Variants in NEK10 observed in about 807,000 individuals in gnomAD.
NEK10 encodes the protein serine/threonine-protein kinase Nek10.
NEK10 carries 122 observed loss-of-function variants against 159.8 expected under a neutral mutation model. The observed-to-expected ratio is 0.76, with a 90% CI of 0.66 to 0.89. The LOEUF (loss-of-function observed/expected upper bound fraction) is 0.89. Ranked by LOEUF, NEK10 falls within the 40% of genes least tolerant of loss-of-function variation. NEK10 has a pLI of 0.00. For synonymous variants in NEK10, 466 were observed against 457.1 expected (o/e 1.02, Z -0.25); for missense variants, 1,342 against 1,323.1 (o/e 1.01, Z -0.22).
intron 31 of NEK10, among the ~76,000 whole-genome samples, chr3:27,136,483 T>G (rs1943232116): frequency 1.3e-5 from 2 of 152,270 alleles, no homozygotes; most frequent in Non-Finnish European, 2.9e-5. Context: ...ACAATCTAAA[T>G]GTAAGTATAA....
intron 23 of NEK10, among the ~76,000 whole-genome samples, chr3:27,235,053 G>A (rs1953755845): frequency 6.6e-6 from 1 of 152,066 alleles, no homozygotes; most frequent in Non-Finnish European, 1.5e-5. Flanking sequence ...GGGATCACTG[G>A]CTAGCCACAA....
At chr3:27,306,581 T>C (rs991923888) in intron 11 of NEK10, among the ~76,000 whole-genome samples, 1 of 152,314 alleles carries the variant, frequency 6.6e-6, no homozygotes, top group East Asian at 1.9e-4. Context: ...TTGATCATGC[T>C]TAAAATGTTC....
chr3:27,138,585 C>T (rs550518831), intron 31 of NEK10, among the ~76,000 whole-genome samples: 28 of 152,288 alleles, frequency 1.8e-4, no homozygotes, highest in African/African-American at 6.3e-4. Flanking sequence ...TAATTCTTTA[C>T]ATTAAACCTT....
At chr3:27,130,784 T>A (rs1002543597) in intron 32 of NEK10, among the ~76,000 whole-genome samples, 9 of 152,200 alleles carry the variant, frequency 5.9e-5, no homozygotes, top group Non-Finnish European at 1.2e-4. Context: ...ATACAATATA[T>A]AAATATCATA....
chr3:27,111,937 C>CTTTT (rs1939612983), intron 35 of NEK10, among the ~76,000 whole-genome samples: 1 of 152,166 alleles, frequency 6.6e-6, no homozygotes, highest in Non-Finnish European at 1.5e-5. Context: ...ATAGAGCCTG[C>CTTTT]TTTGGGAAGA....
In NEK10 at chr3:27,116,070, C is replaced by T. The variant is rs747664031; in HGVS notation, c.3243+5G>A. Reference sequence around the variant, plus strand: ...AATCATTCAGAGACACTGCAAAAACCTCACCTGCATCTGTTCATATGTTAT... The same window carrying T: ...AATCATTCAGAGACACTGCAAAAACTTCACCTGCATCTGTTCATATGTTAT... On this transcript the variant is annotated splice_donor_5th_base_variant and intron_variant, in intron 34 of 35. Transcript: ENST00000691995. 1 of 1,613,464 alleles carries T rather than the reference C, an allele frequency of 6.2e-7. No individual in the cohort carries two copies. Among genetic ancestry groups the T allele is most frequent in the Non-Finnish European group, 8.5e-7 (1 of 1,179,648 alleles).
At chr3:27,137,954 C>T (rs1417515585) in intron 31 of NEK10, among the ~76,000 whole-genome samples, 1 of 152,208 alleles carries the variant, frequency 6.6e-6, no homozygotes, top group South Asian at 2.1e-4. Flanking sequence ...GCTCCAAGTC[C>T]ACCCTTTCAT....
At chr3:27,115,519 T>C (rs906076210) in intron 35 of NEK10, among the ~76,000 whole-genome samples, 2 of 152,130 alleles carry the variant, frequency 1.3e-5, no homozygotes. Flanking sequence ...TCACAAGAAA[T>C]GATTCTTTGT....
At position 27,224,567 on chromosome 3, in the gene NEK10, T is replaced by A. The variant is rs137990612; in HGVS notation, c.2091-22010A>T. Among the ~76,000 whole-genome samples the A allele has an allele frequency of 7.8e-3, 1,192 of 152,320 alleles. 4 individuals are homozygous for A. Among genetic ancestry groups the A allele is most frequent in the Non-Finnish European group, 0.012 (826 of 68,014 alleles). The stretch of plus-strand genomic sequence containing the variant: ...GTCCCATAAGATCTGTCCAGAGACA[T>A]CTCCCATGACCAAGTAAATGCTGCT... On this transcript the variant is annotated intron_variant, in intron 23 of 35. Coordinates refer to ENST00000691995, the MANE Select transcript of NEK10 (RefSeq NM_001394966.1).
intron 22 of NEK10, among the ~76,000 whole-genome samples, chr3:27,275,613 C>T (rs1248797888): frequency 2.0e-5 from 3 of 152,120 alleles, no homozygotes; most frequent in Non-Finnish European, 2.9e-5. Context: ...CAAGGCATGT[C>T]GACAGACCTA....
chr3:27,302,906 G>C (rs2043944086), intron 12 of NEK10, among the ~76,000 whole-genome samples: 1 of 152,144 alleles, frequency 6.6e-6, no homozygotes, highest in African/African-American at 2.4e-5. Context: ...GATCAAGAGA[G>C]CCCTTTGGGA....
intron 19 of NEK10, 52 bp downstream of exon 19, chr3:27,290,565 G>A: frequency 7.4e-7 from 1 of 1,344,920 alleles, no homozygotes; most frequent in African/African-American, 1.5e-5. Context: ...CTACTTTCTT[G>A]CAATGACATG....
chr3:27,220,879 G>A (rs758360921), intron 23 of NEK10, among the ~76,000 whole-genome samples: 12 of 152,018 alleles, frequency 7.9e-5, no homozygotes, highest in Non-Finnish European at 1.2e-4. Flanking sequence ...TATATATATG[G>A]TCAACTGATT....
intron 1 of NEK10, among the ~76,000 whole-genome samples, chr3:27,354,720 G>A (rs2048209987): frequency 6.6e-6 from 1 of 152,206 alleles, no homozygotes; most frequent in Non-Finnish European, 1.5e-5. Context: ...TATTAAGAAA[G>A]CATTCCCAAC....
At position 27,281,448 on chromosome 3, in the gene NEK10, T is replaced by C. The variant is rs527763318; in HGVS notation, c.2014+3154A>G. The stretch of plus-strand genomic sequence containing the variant: ...ATAAAATACCTCATGTATCAAGAAA[T>C]AGGCCTCAGAAGAACACTGGATTTC... On this transcript the variant is annotated intron_variant, in intron 22 of 35. Transcript: ENST00000691995. Among the ~76,000 whole-genome samples, 7 of 151,820 alleles carry C rather than the reference T, an allele frequency of 4.6e-5. No homozygotes were observed. The South Asian group carries it at 1.5e-3, about 32-fold the overall frequency.
Position 27,322,222 on chromosome 3 carries a change from T to G in NEK10, c.402A>C (p.Arg134Ser). The change falls in exon 6 of 36, where the codon AGA becomes AGC. Residue 134 changes from arginine (R) to serine (S), a missense_variant. Coordinates refer to ENST00000691995, the MANE Select transcript of NEK10 (RefSeq NM_001394966.1). The part of the protein sequence containing the change: ...VNRAPSIHFL[R>S]VLICLRLLMR... ...TTAGTAGCCTCAGACAGATTAACAC[T>G]CTCAGAAAATGAATAGATGGGGCTC... 6.4e-7 allele frequency: 1 copy of G among 1,567,520 alleles called. No homozygotes were observed. The highest frequency in any genetic ancestry group is 8.7e-7 in the Non-Finnish European group (1 of 1,152,638).
In NEK10 at chr3:27,297,179, C is replaced by G; in HGVS notation, c.1230G>C (p.Gln410His). 1 of 1,610,388 alleles carries G rather than the reference C, an allele frequency of 6.2e-7. No individual in the cohort carries two copies. The highest frequency in any genetic ancestry group is 8.5e-7 in the Non-Finnish European group (1 of 1,176,660). The change falls in exon 14 of 36, where the codon CAG (glutamine) becomes CAC (histidine). Residue 410 changes from glutamine to histidine, a missense_variant and splice_region_variant. Transcript: ENST00000691995. ...LNDTNAHQVV[Q>H]ENGVYTIAKL... Reference sequence around the variant, plus strand: ...TGACCTTGAGAAGGAGTGCTCTCACCTGAACCACCTGGTGGGCATTGGTGT... The same window carrying G: ...TGACCTTGAGAAGGAGTGCTCTCACGTGAACCACCTGGTGGGCATTGGTGT...
intron 29 of NEK10, among the ~76,000 whole-genome samples, chr3:27,166,090 C>T (rs763205861): frequency 4.6e-5 from 7 of 152,086 alleles, no homozygotes; most frequent in Non-Finnish European, 8.8e-5. Context: ...TAATGCCTTC[C>T]GAAACTACTG....
chr3:27,253,261 T>C (rs995078236), intron 23 of NEK10, among the ~76,000 whole-genome samples: 2 of 152,292 alleles, frequency 1.3e-5, no homozygotes, highest in Admixed American at 1.3e-4. Context: ...TACATCATAC[T>C]AGCTTCATAA....
Sources: gnomAD v4.1 joint callset for allele counts (sites outside exome capture counted in the v4.1 genomes callset) on GRCh38, gnomAD v4.1.1 for gene constraint, MANE v1.5 for transcripts, NCBI Gene and HGNC (gene_info 2026-07-23, HGNC 2026-07-21) for gene names.